MRC2: variants seen among roughly 807,000 people sequenced by gnomAD.
The protein encoded by MRC2 is C-type mannose receptor 2.
In MRC2, 84 loss-of-function variants were observed where a neutral mutation model predicts 206.2. The ratio of observed to expected loss-of-function variants is 0.41; its 90% confidence interval spans 0.34 to 0.49. The LOEUF is 0.49. Ranked by LOEUF, MRC2 falls within the 20% of genes least tolerant of loss-of-function variation. The probability of loss-of-function intolerance (pLI) is 0.31; values close to 1 mark genes in which losing one functional copy is unlikely to be tolerated. For missense variants in MRC2, 1,676 were observed against 2,001.5 expected (o/e 0.84, Z 3.10); for synonymous variants, 798 against 800.0 (o/e 1.00, Z 0.04).
In MRC2 at chr17:62,666,030, C is replaced by G. The variant is rs1568061051; in HGVS notation, c.521-64C>G. ...GTTTTAGGGGATTTCTCCTGAGGGT[C>G]GAGGGGCTTGGCAGCCTCTGGTGTC... On this transcript the variant is annotated intron_variant, in intron 2 of 29. Transcript: ENST00000303375. This position sits in a 1 kb window ranked among gnomAD's most constrained non-coding sequence, Gnocchi z 5.0. 8 of 1,499,868 alleles carry G rather than the reference C, an allele frequency of 5.3e-6. No individual in the cohort carries two copies. The South Asian group carries it at 9.0e-5, about 17-fold the overall frequency. The allele number at this position is 1,499,868 out of a possible 1,614,324, so 92.9% of individuals were successfully genotyped here.
At chr17:62,632,253 G>A (rs1263131505) in intron 1 of MRC2, among the ~76,000 whole-genome samples, 1 of 152,048 alleles carries the variant, frequency 6.6e-6, no homozygotes, top group African/African-American at 2.4e-5. Flanking sequence ...AGATTGGGTC[G>A]ACCCCCTCAA....
Position 62,666,908 on chromosome 17 carries a change from GC to G in MRC2, c.973+42del, listed in dbSNP as rs754744024. 1.3e-6 allele frequency: 2 copies of G among 1,543,512 alleles called. No homozygotes were observed. The highest frequency in any genetic ancestry group is 1.8e-6 in the Non-Finnish European group (2 of 1,119,236). ...GTTGGGGGCGCAGGGCAGCATAGGG[GC>G]CCCGCGGGCTCTTGGCCTCCCATGG... is the stretch of plus-strand genomic sequence containing the variant. On this transcript the variant is annotated intron_variant, in intron 5 of 29. Transcript: ENST00000303375. The surrounding 1 kb of genome is among the most constrained non-coding windows in gnomAD (Gnocchi z 5.0).
chr17:62,641,195 C>T (rs1414827650), intron 1 of MRC2, among the ~76,000 whole-genome samples: 1 of 151,186 alleles, frequency 6.6e-6, no homozygotes, highest in African/African-American at 2.4e-5. Flanking sequence ...TGCGATGGCT[C>T]ATGCCCGTAA....
chr17:62,642,886 C>T lies in MRC2; in HGVS notation c.118+14966C>T, dbSNP rs185824012. On this transcript the variant is annotated intron_variant, in intron 1 of 29. Coordinates refer to ENST00000303375, the MANE Select transcript of MRC2 (RefSeq NM_006039.5). ...TGAAAACCACCCAAATGCCCATCAGCGATAGAATGGATGAATTGTGGCAGC... is the reference window on the plus strand; with the variant it reads ...TGAAAACCACCCAAATGCCCATCAGTGATAGAATGGATGAATTGTGGCAGC... Among the ~76,000 whole-genome samples the T allele has an allele frequency of 8.5e-5, 13 of 152,210 alleles. No homozygotes were observed. In the East Asian group the frequency reaches 2.1e-3, roughly 25 times the overall value.
At position 62,679,845 on chromosome 17, in the gene MRC2, C is replaced by A; in HGVS notation, c.2241C>A (p.Gly747=). 1 of 1,613,998 alleles carries A rather than the reference C, an allele frequency of 6.2e-7. No individual in the cohort carries two copies. Among genetic ancestry groups the A allele is most frequent in the Non-Finnish European group, 8.5e-7 (1 of 1,180,022 alleles). The change falls in exon 14 of 30, where the codon GGC becomes GGA. Residue 747 remains glycine, a synonymous_variant. Transcript: ENST00000303375. ...ACGAGCAGCACTGGTTCTGGATCGG[C>A]CTGAACCGTCGGGATCCCAGAGGGG... ...EIHEQHWFWI[G]LNRRDPRGGQ... is the part of the protein sequence containing the mutation.
intron 1 of MRC2, among the ~76,000 whole-genome samples, chr17:62,641,593 G>A (rs2088404801): frequency 6.6e-6 from 1 of 152,194 alleles, no homozygotes; most frequent in South Asian, 2.1e-4. Context: ...GAGCTTGGAA[G>A]CACTGTTTAT....
rs559907314 is a variant in MRC2 at position 62,684,753 on chromosome 17, A to G, written c.2946+2376A>G. ...TGTTGTGAAGATTAGATTAGTTAAC[A>G]CTGAATAATATAATCCACAAATCCT... On this transcript the variant is annotated intron_variant, in intron 20 of 29. Transcript: ENST00000303375. Among the ~76,000 whole-genome samples the G allele has an allele frequency of 3.3e-5, 5 of 152,324 alleles. No individual in the cohort carries two copies. The East Asian group carries it at 7.7e-4, about 23-fold the overall frequency.
At chr17:62,651,917 C>A (rs541358477) in intron 1 of MRC2, among the ~76,000 whole-genome samples, 1 of 152,212 alleles carries the variant, frequency 6.6e-6, no homozygotes, top group Non-Finnish European at 1.5e-5. Flanking sequence ...ACTAATCATT[C>A]TGGTTGAATA....
At chr17:62,645,169 C>T (rs977022228) in intron 1 of MRC2, among the ~76,000 whole-genome samples, 2 of 151,996 alleles carry the variant, frequency 1.3e-5, no homozygotes, top group African/African-American at 4.8e-5. Flanking sequence ...GTTTGTGTAA[C>T]AAATGAGAAA....
At position 62,627,841 on chromosome 17, in the gene MRC2, T is replaced by C; in HGVS notation, c.39T>C (p.Arg13=). 1 of 1,470,420 alleles carries C rather than the reference T, an allele frequency of 6.8e-7. No homozygotes were observed. Among genetic ancestry groups the C allele is most frequent in the Non-Finnish European group, 8.9e-7 (1 of 1,118,988 alleles). 91.1% of individuals were successfully genotyped at this position (1,470,420 alleles called of 1,614,324 possible). The change falls in exon 1 of 30, where the codon CGT becomes CGC. Residue 13 remains arginine (R), a synonymous_variant. Coordinates refer to ENST00000303375, the MANE Select transcript of MRC2 (RefSeq NM_006039.5). ...GGCCGGCCCCCGCGCCCTGGCCTCG[T>C]CACCTGCTGCGCTGCGTCCTGCTCC... The part of the protein sequence containing the change: ...PGRPAPAPWP[R]HLLRCVLLLG...
intron 1 of MRC2, among the ~76,000 whole-genome samples, chr17:62,648,845 G>C (rs1297139405): frequency 6.6e-6 from 1 of 152,202 alleles, no homozygotes; most frequent in Non-Finnish European, 1.5e-5. Flanking sequence ...TGTCTGCTAA[G>C]CCTGGTTCCC....
intron 23 of MRC2, 98 bp downstream of exon 23, chr17:62,689,058 G>A: frequency 2.0e-6 from 2 of 981,048 alleles, no homozygotes; most frequent in Non-Finnish European, 3.2e-6. Flanking sequence ...GTCCCTGGCA[G>A]AGCAGGGCTC....
chr17:62,633,125 A>T (rs2088266391), intron 1 of MRC2, among the ~76,000 whole-genome samples: 1 of 152,218 alleles, frequency 6.6e-6, no homozygotes, highest in Non-Finnish European at 1.5e-5. Context: ...AAATGAGATC[A>T]TGAACGTATG....
At chr17:62,659,409 G>A (rs1411662261) in intron 1 of MRC2, among the ~76,000 whole-genome samples, 1 of 152,160 alleles carries the variant, frequency 6.6e-6, no homozygotes, top group Non-Finnish European at 1.5e-5. Context: ...GCATGGTGAC[G>A]CAGGCCTGTA....
intron 1 of MRC2, among the ~76,000 whole-genome samples, chr17:62,661,375 TTTC>T (rs940324076): frequency 1.3e-5 from 2 of 152,218 alleles, no homozygotes; most frequent in African/African-American, 4.8e-5. Flanking sequence ...GCAATTGCAT[TTTC>T]TTCTTTTGCT....
At position 62,680,866 on chromosome 17, in the gene MRC2, C is replaced by A; in HGVS notation, c.2540C>A (p.Ala847Glu). ...TTCTTTGAGCACCACTCCACGTGGG[C>A]GCAGGCGCAGCGCATCTGCACGTGG... ...YKFFEHHSTW[A>E]QAQRICTWFQ... is the part of the protein sequence containing the mutation. The change falls in exon 17 of 30, where the codon GCG (alanine) becomes GAG (glutamate). Residue 847 changes from alanine (A) to glutamate (E), a missense_variant. Coordinates refer to ENST00000303375, the MANE Select transcript of MRC2 (RefSeq NM_006039.5). The surrounding 1 kb of genome is among the most constrained non-coding windows in gnomAD (Gnocchi z 4.8). 1 of 1,613,074 alleles carries A rather than the reference C, an allele frequency of 6.2e-7. No individual in the cohort carries two copies. Among genetic ancestry groups the A allele is most frequent in the Non-Finnish European group, 8.5e-7 (1 of 1,179,924 alleles).
Position 62,666,009 on chromosome 17 carries a change from T to C in MRC2, c.521-85T>C. ...TGTGAACACCCAGCACTCTGGGTTT[T>C]AGGGGATTTCTCCTGAGGGTCGAGG... On this transcript the variant is annotated intron_variant, in intron 2 of 29. Coordinates refer to ENST00000303375, the MANE Select transcript of MRC2 (RefSeq NM_006039.5). This position sits in a 1 kb window ranked among gnomAD's most constrained non-coding sequence, Gnocchi z 5.0. 7.1e-7 allele frequency: 1 copy of C among 1,413,390 alleles called. No individual in the cohort carries two copies. Among genetic ancestry groups the C allele is most frequent in the South Asian group, 1.4e-5 (1 of 71,650 alleles). The allele number at this position is 1,413,390 out of a possible 1,614,324, so 87.6% of individuals were successfully genotyped here. A position where few individuals can be genotyped will look rare whatever the true frequency, so the allele number is the denominator to read the frequency against.
chr17:62,644,244 C>T (rs1216331323), intron 1 of MRC2, among the ~76,000 whole-genome samples: 1 of 151,562 alleles, frequency 6.6e-6, no homozygotes, highest in Non-Finnish European at 1.5e-5. Flanking sequence ...CGTGGTGAAA[C>T]CCTGTCTCTA....
Position 62,674,236 on chromosome 17 carries a change from A to G in MRC2, c.1569+66A>G, listed in dbSNP as rs73333693. 9.2e-3 allele frequency: 11,192 copies of G among 1,216,768 alleles called. 791 individuals carry two copies. The African/African-American group carries it at 0.15, about 16-fold the overall frequency. 75.4% of individuals were successfully genotyped at this position (1,216,768 alleles called of 1,614,324 possible). A position where few individuals can be genotyped will look rare whatever the true frequency, so the allele number is the denominator to read the frequency against. ...TCAGAGGGGCTACCAGGGGAGGGAG[A>G]GGTGGATGAACTCCTGCTGCCTCGC... is the stretch of plus-strand genomic sequence containing the variant. On this transcript the variant is annotated intron_variant, in intron 9 of 29. Coordinates refer to ENST00000303375, the MANE Select transcript of MRC2 (RefSeq NM_006039.5).
Sources: allele counts gnomAD v4.1 joint callset (sites outside exome capture counted in the v4.1 genomes callset), GRCh38; gene constraint gnomAD v4.1.1; non-coding constraint Gnocchi (gnomAD v3.1); transcripts MANE v1.5; gene names NCBI Gene and HGNC (gene_info 2026-07-23, HGNC 2026-07-21).